NUCB2: variants seen among roughly 807,000 people sequenced by gnomAD.
The protein encoded by NUCB2 is nucleobindin-2.
NUCB2 carries 48 observed loss-of-function variants against 57.9 expected under a neutral mutation model. The ratio of observed to expected loss-of-function variants is 0.83; its 90% CI spans 0.66 to 1.05. The LOEUF is 1.05. NUCB2 is among the 50% of genes least tolerant of loss of function. The pLI is 0.00. For missense variants in NUCB2, 442 were observed against 476.2 expected (o/e 0.93, Z 0.67); for synonymous variants, 139 against 152.1 (o/e 0.91, Z 0.64).
intron 11 of NUCB2, among the ~76,000 whole-genome samples, chr11:17,329,542 A>T (rs1385490390): frequency 6.6e-6 from 1 of 152,242 alleles, no homozygotes; most frequent in African/African-American, 2.4e-5. Context: ...AGCCCAGCAC[A>T]GCTTTATTCT....
chr11:17,316,840 G>C (rs2139093845), intron 11 of NUCB2, among the ~76,000 whole-genome samples: 1 of 152,302 alleles, frequency 6.6e-6, no homozygotes, highest in South Asian at 2.1e-4. Context: ...AAGAAAGGGT[G>C]AACAGCTACT....
At chr11:17,302,690 G>A (rs1222300943) in intron 5 of NUCB2, among the ~76,000 whole-genome samples, 2 of 151,408 alleles carry the variant, frequency 1.3e-5, no homozygotes, top group African/African-American at 4.9e-5. Context: ...TCCCACCTCA[G>A]CCTCCCAAGT....
At chr11:17,312,705 G>A (rs984102810) in intron 10 of NUCB2, among the ~76,000 whole-genome samples, 1 of 148,442 alleles carries the variant, frequency 6.7e-6, no homozygotes, top group African/African-American at 2.5e-5. Context: ...ATGAGCCACT[G>A]GCCTTTTTTG....
At chr11:17,317,337 TAA>T (rs1949389771) in intron 11 of NUCB2, among the ~76,000 whole-genome samples, 1 of 152,184 alleles carries the variant, frequency 6.6e-6, no homozygotes, top group South Asian at 2.1e-4. Flanking sequence ...TACATATATA[TAA>T]AGTTTTGAAT....
At chr11:17,296,077 C>G in intron 3 of NUCB2, 27 bp from the exon 4 acceptor site, 1 of 1,357,828 alleles carries the variant, frequency 7.4e-7, no homozygotes, top group Non-Finnish European at 1.0e-6. Flanking sequence ...CCTGCAGAAG[C>G]ATTACTGTTG....
At chr11:17,293,102 A>C (rs992554040) in intron 2 of NUCB2, among the ~76,000 whole-genome samples, 1 of 151,934 alleles carries the variant, frequency 6.6e-6, no homozygotes, top group African/African-American at 2.4e-5. Flanking sequence ...AAAAATACAA[A>C]AATTAGCTGG....
At chr11:17,304,517 A>C (rs1376580919) in intron 5 of NUCB2, among the ~76,000 whole-genome samples, 1 of 152,162 alleles carries the variant, frequency 6.6e-6, no homozygotes, top group Non-Finnish European at 1.5e-5. Context: ...CATACAAATA[A>C]AAAAAATTTG....
At chr11:17,284,360 A>T (rs1943256976) in intron 2 of NUCB2, among the ~76,000 whole-genome samples, 1 of 152,112 alleles carries the variant, frequency 6.6e-6, no homozygotes, top group Non-Finnish European at 1.5e-5. Flanking sequence ...AATATACCCT[A>T]TACTTGTCCT....
Position 17,285,254 on chromosome 11 carries a change from C to A in NUCB2, c.-1+2311C>A, listed in dbSNP as rs367907356. Among the ~76,000 whole-genome samples the A allele has an allele frequency of 4.0e-5, 6 of 150,326 alleles. No homozygotes were observed. The South Asian group carries it at 1.3e-3, about 32-fold the overall frequency. ...CATCCTGGCTAACATGGTGAAACCC[C>A]GTCTCTACTAAAAACATACAAAAAA... On this transcript the variant is annotated intron_variant, in intron 2 of 13. Coordinates refer to ENST00000529010, the MANE Select transcript of NUCB2 (RefSeq NM_005013.4).
intron 4 of NUCB2, among the ~76,000 whole-genome samples, chr11:17,299,942 T>G (rs1946422387): frequency 6.6e-6 from 1 of 152,090 alleles, no homozygotes; most frequent in Non-Finnish European, 1.5e-5. Flanking sequence ...AATACTTTGT[T>G]GACATATAAT....
intron 3 of NUCB2, 27 bp from the exon 4 acceptor site, chr11:17,296,077 C>A: frequency 2.2e-6 from 3 of 1,357,820 alleles, no homozygotes; most frequent in East Asian, 2.4e-5. Flanking sequence ...CCTGCAGAAG[C>A]ATTACTGTTG....
intron 11 of NUCB2, among the ~76,000 whole-genome samples, chr11:17,316,551 A>G (rs973792747): frequency 2.0e-5 from 3 of 152,180 alleles, no homozygotes; most frequent in African/African-American, 7.2e-5. Flanking sequence ...TGGGCAATCT[A>G]TAATGATTTC....
At chr11:17,341,996 C>G (rs998916533) in intron 2 of NUCB2, among the ~76,000 whole-genome samples, 1 of 152,062 alleles carries the variant, frequency 6.6e-6, no homozygotes, top group Admixed American at 6.6e-5. Flanking sequence ...ATTTCAGAGC[C>G]TGTTATTGGT....
intron 1 of NUCB2, among the ~76,000 whole-genome samples, chr11:17,282,225 T>C (rs1387950332): frequency 3.2e-5 from 2 of 62,892 alleles, no homozygotes; most frequent in Non-Finnish European, 7.9e-5. Flanking sequence ...TATATCTATC[T>C]ATCTATCTAT....
intron 5 of NUCB2, among the ~76,000 whole-genome samples, chr11:17,308,023 A>T (rs1947952098): frequency 6.6e-6 from 1 of 151,996 alleles, no homozygotes; most frequent in Non-Finnish European, 1.5e-5. Flanking sequence ...TATATATTTC[A>T]CTGTCTGGTC....
At chr11:17,310,316 T>G (rs1307464825) in intron 6 of NUCB2, among the ~76,000 whole-genome samples, 3 of 152,128 alleles carry the variant, frequency 2.0e-5, no homozygotes, top group Non-Finnish European at 4.4e-5. Context: ...GAACTTTTAG[T>G]TTCTTTGAAT....
intron 4 of NUCB2, among the ~76,000 whole-genome samples, chr11:17,300,892 C>G (rs12270020): frequency 1.3e-5 from 2 of 150,004 alleles, no homozygotes; most frequent in African/African-American, 2.5e-5. Context: ...TTTTGAGTTT[C>G]TGCTTTGTGC....
chr11:17,316,878 C>G (rs1178582323), intron 11 of NUCB2, among the ~76,000 whole-genome samples: 1 of 152,042 alleles, frequency 6.6e-6, no homozygotes, highest in African/African-American at 2.4e-5. Flanking sequence ...GAGGAATTTC[C>G]AAGGATGTGG....
intron 11 of NUCB2, chr11:17,317,620 T>C: frequency 2.4e-6 from 1 of 421,548 alleles, no homozygotes; most frequent in South Asian, 1.7e-5. Flanking sequence ...GGACAGACTA[T>C]TATGTTGTAC....
Sources: allele counts gnomAD v4.1 joint callset (sites outside exome capture counted in the v4.1 genomes callset), GRCh38; gene constraint gnomAD v4.1.1; transcripts MANE v1.5; gene names NCBI Gene and HGNC (gene_info 2026-07-23, HGNC 2026-07-21).